XKR4: variants seen among roughly 807,000 people sequenced by gnomAD.
XKR4 encodes XK-related protein 4.
A neutral mutation model predicts 53.9 loss-of-function variants in XKR4; 12 were observed. The ratio of observed to expected loss-of-function variants is 0.22; its 90% CI spans 0.14 to 0.36. XKR4 has a LOEUF of 0.36. Ranked by LOEUF, XKR4 falls within the 10% of genes least tolerant of loss-of-function variation. XKR4 has a pLI of 1.00. For synonymous variants in XKR4, 354 were observed against 362.4 expected, an observed-to-expected ratio of 0.98 and a Z score of 0.26; for missense variants, 799 against 859.5, an observed-to-expected ratio of 0.93 and a Z score of 0.88.
At chr8:55,453,398 C>A in intron 2 of XKR4, 1 of 433,158 alleles carries the variant, frequency 2.3e-6, no homozygotes, top group South Asian at 1.8e-5. Context: ...GCAGGCAGCT[C>A]ACCACTTCAG....
At chr8:55,209,669 G>T (rs1050901283) in intron 1 of XKR4, among the ~76,000 whole-genome samples, 13 of 152,200 alleles carry the variant, frequency 8.5e-5, no homozygotes, top group Non-Finnish European at 1.6e-4. Context: ...TGGTTTGTGA[G>T]GTTGATGTGG....
At chr8:55,402,508 G>C (rs977165446) in intron 2 of XKR4, among the ~76,000 whole-genome samples, 1 of 152,176 alleles carries the variant, frequency 6.6e-6, no homozygotes, top group Non-Finnish European at 1.5e-5. Context: ...TTAGAAAGTG[G>C]GGTTAGCACC....
At chr8:55,195,616 T>G (rs968009060) in intron 1 of XKR4, among the ~76,000 whole-genome samples, 3 of 152,106 alleles carry the variant, frequency 2.0e-5, no homozygotes, top group Non-Finnish European at 2.9e-5. Context: ...AACTCCCAAA[T>G]TGCTCAGATA....
At chr8:55,246,326 G>T (rs983868290) in intron 1 of XKR4, among the ~76,000 whole-genome samples, 14 of 152,204 alleles carry the variant, frequency 9.2e-5, no homozygotes, top group Admixed American at 5.9e-4. Flanking sequence ...AGCCACTAGG[G>T]AAGCATAGAT....
chr8:55,313,032 T>C (rs1282517221), intron 1 of XKR4, among the ~76,000 whole-genome samples: 2 of 152,200 alleles, frequency 1.3e-5, no homozygotes, highest in African/African-American at 4.8e-5. Context: ...TTCTGCTTCC[T>C]TTCTCTGGTT....
rs143746517 is a variant in XKR4, at chr8:55,151,077, A to G, written c.806+47783A>G. 4.1e-3 allele frequency among the ~76,000 whole-genome samples: 622 copies of G among 152,314 alleles called. 5 individuals are homozygous for G. Among genetic ancestry groups the G allele is most frequent in the African/African-American group, 0.014 (589 of 41,566 alleles). On this transcript the variant is annotated intron_variant, in intron 1 of 2. Transcript: ENST00000327381. ...AGTTGAATAACAGCAGTGTATTAGTACTTTTTGTCAGTGTAAGATTGTCTT... is the reference window on the plus strand; with the variant it reads ...AGTTGAATAACAGCAGTGTATTAGTGCTTTTTGTCAGTGTAAGATTGTCTT...
chr8:55,314,417 C>T lies in XKR4; in HGVS notation c.807-43261C>T, dbSNP rs142324078. ...GATGCCCATTCTGCCTGAGGCCCCC[C>T]CATCGCTGGGGCACCGACCTCAAGG... On this transcript the variant is annotated intron_variant, in intron 1 of 2. Coordinates refer to ENST00000327381, the MANE Select transcript of XKR4 (RefSeq NM_052898.2). Among the ~76,000 whole-genome samples, 59 of 152,214 alleles carry T rather than the reference C, an allele frequency of 3.9e-4. 2 individuals carry two copies. The East Asian group carries it at 0.01, about 26-fold the overall frequency.
intron 2 of XKR4, among the ~76,000 whole-genome samples, chr8:55,367,231 TTGTGTGTG>T (rs58010809): frequency 6.7e-6 from 1 of 150,352 alleles, no homozygotes; most frequent in East Asian, 1.9e-4. Context: ...ACATACATTA[TTGTGTGTG>T]TGTGTGTGTG....
chr8:55,280,170 A>G (rs1372651088), intron 1 of XKR4, among the ~76,000 whole-genome samples: 1 of 152,194 alleles, frequency 6.6e-6, no homozygotes, highest in Admixed American at 6.5e-5. Context: ...GCGTTCCAAT[A>G]TCCCTGACCA....
chr8:55,390,732 A>G (rs1804433356), intron 2 of XKR4, among the ~76,000 whole-genome samples: 1 of 152,160 alleles, frequency 6.6e-6, no homozygotes, highest in South Asian at 2.1e-4. Context: ...TCTGGCCCTG[A>G]ATCACCTGGC....
chr8:55,510,017 C>T (rs532661541), intron 2 of XKR4, among the ~76,000 whole-genome samples: 99 of 152,238 alleles, frequency 6.5e-4, no homozygotes, highest in African/African-American at 2.1e-3. Flanking sequence ...CAGCACAGTC[C>T]TTGGAGTTAA....
At chr8:55,418,410 T>G (rs1161662254) in intron 2 of XKR4, among the ~76,000 whole-genome samples, 1 of 152,232 alleles carries the variant, frequency 6.6e-6, no homozygotes, top group Admixed American at 6.5e-5. Flanking sequence ...TAGATTTCTC[T>G]GTATGTTTTA....
chr8:55,246,618 C>G (rs749334028), intron 1 of XKR4, among the ~76,000 whole-genome samples: 6 of 152,010 alleles, frequency 3.9e-5, no homozygotes, highest in Non-Finnish European at 7.4e-5. Flanking sequence ...GTTTTTCAAT[C>G]TGGGATGGAT....
chr8:55,384,202 C>T (rs568084010), intron 2 of XKR4, among the ~76,000 whole-genome samples: 1 of 152,220 alleles, frequency 6.6e-6, no homozygotes, highest in East Asian at 1.9e-4. Context: ...GAATGAGGGT[C>T]AAGACAGGAG....
chr8:55,346,275 C>A (rs1803639869), intron 1 of XKR4, among the ~76,000 whole-genome samples: 1 of 151,972 alleles, frequency 6.6e-6, no homozygotes, highest in Non-Finnish European at 1.5e-5. Context: ...TTAGTAGAGA[C>A]TGGCTTCACC....
At chr8:55,492,995 C>T (rs1026502930) in intron 2 of XKR4, among the ~76,000 whole-genome samples, 1 of 152,102 alleles carries the variant, frequency 6.6e-6, no homozygotes, top group Non-Finnish European at 1.5e-5. Flanking sequence ...AGTAGCAGGG[C>T]AATTGTAACT....
chr8:55,216,780 T>G (rs1443064506), intron 1 of XKR4, among the ~76,000 whole-genome samples: 1 of 149,916 alleles, frequency 6.7e-6, no homozygotes, highest in Non-Finnish European at 1.5e-5. Context: ...TCAACAGCAT[T>G]AAAATTAAGA....
At chr8:55,361,114 C>T (rs925007) in intron 2 of XKR4, among the ~76,000 whole-genome samples, 19,777 of 152,218 alleles carry the variant, frequency 0.13, 1,679 homozygotes, top group Non-Finnish European at 0.2. Flanking sequence ...GCCAGCTCCC[C>T]GCGGAGTATA....
At chr8:55,332,084 C>G (rs1332941002) in intron 1 of XKR4, among the ~76,000 whole-genome samples, 1 of 152,024 alleles carries the variant, frequency 6.6e-6, no homozygotes, top group East Asian at 1.9e-4. Flanking sequence ...TGATCACCTT[C>G]TCGTTTCCTT....
Sources: allele counts gnomAD v4.1 joint callset (sites outside exome capture counted in the v4.1 genomes callset), GRCh38; gene constraint gnomAD v4.1.1; transcripts MANE v1.5; gene names NCBI Gene and HGNC (gene_info 2026-07-23, HGNC 2026-07-21).